The following APOL5 variants were observed in gnomAD, a reference collection of about 807,000 sequenced individuals.
APOL5 encodes apolipoprotein L5, also known as apolipoprotein L, 5.
APOL5 carries 29 observed loss-of-function variants against 35.5 expected under a neutral mutation model. That is an observed-to-expected ratio of 0.82 (90% confidence interval 0.61 to 1.11). The LOEUF (loss-of-function observed/expected upper bound fraction) is 1.11. APOL5 is among the 50% of genes most tolerant of loss of function. APOL5 has a pLI of 0.00. For synonymous variants in APOL5, 188 were observed against 200.2 expected (o/e 0.94, Z 0.51); for missense variants, 514 against 530.4 (o/e 0.97, Z 0.30).
At chr22:35,710,471 AAAT>A in the APOL5 span, among the ~76,000 whole-genome samples, 1 of 151,570 alleles carries the variant, frequency 6.6e-6, no homozygotes, top group Middle Eastern at 3.4e-3. Context: ...AAATGCCTAT[AAAT>A]GTGTATATAT....
chr22:35,710,443 C>A, the APOL5 span, among the ~76,000 whole-genome samples: 1 of 151,542 alleles, frequency 6.6e-6, no homozygotes, highest in Admixed American at 6.6e-5. Context: ...CACCCAACCC[C>A]TTTTTGTCTA....
At position 35,719,775 on chromosome 22, in the gene APOL5, G is replaced by A. The variant is rs150761703; in HGVS notation, c.56-793G>A. Among the ~76,000 whole-genome samples the A allele has an allele frequency of 8.0e-3, 1,212 of 152,350 alleles. 18 individuals are homozygous for A. The highest frequency in any genetic ancestry group is 0.028 in the African/African-American group (1,158 of 41,564). On this transcript the variant is annotated intron_variant, in intron 1 of 4. Coordinates refer to ENST00000249044, the MANE Select transcript of APOL5 (RefSeq NM_030642.1). ...GCTCCCGAGCCCCAGTGAGCTTATC[G>A]GAAGGACAAAGCAGAGGGTCTAATT...
chr22:35,720,014 T>TGACA (rs1171835175), intron 1 of APOL5, among the ~76,000 whole-genome samples: 7 of 152,224 alleles, frequency 4.6e-5, no homozygotes, highest in African/African-American at 1.7e-4. Context: ...CATTCAGCCG[T>TGACA]GGATGACCTG....
At chr22:35,716,815 C>A (rs1455596277), upstream of APOL5, among the ~76,000 whole-genome samples, 2 of 151,946 alleles carry the variant, frequency 1.3e-5, no homozygotes, top group African/African-American at 4.8e-5. Context: ...CTTAATATAT[C>A]CTGGACCTCT....
intron 2 of APOL5, among the ~76,000 whole-genome samples, chr22:35,721,873 TA>T (rs1390265621): frequency 6.8e-6 from 1 of 146,390 alleles, no homozygotes; most frequent in East Asian, 1.9e-4. Flanking sequence ...AAAGTGTCCA[TA>T]AGGTTCTCTA....
upstream of APOL5, among the ~76,000 whole-genome samples, chr22:35,716,946 T>C (rs559530754): frequency 8.6e-4 from 130 of 151,740 alleles, no homozygotes; most frequent in African/African-American, 3.1e-3. Flanking sequence ...TGTTTCCATT[T>C]CTTTATACAA....
chr22:35,725,872 T>C lies in APOL5; in HGVS notation c.143-339T>C, dbSNP rs148596642. Among the ~76,000 whole-genome samples, 553 of 152,278 alleles carry C rather than the reference T, an allele frequency of 3.6e-3. 6 individuals carry two copies. Among genetic ancestry groups the C allele is most frequent in the African/African-American group, 0.013 (527 of 41,542 alleles). On this transcript the variant is annotated intron_variant, in intron 2 of 4. Coordinates refer to ENST00000249044, the MANE Select transcript of APOL5 (RefSeq NM_030642.1). The stretch of plus-strand genomic sequence containing the variant: ...GGCTGAATAACACCTAAACTATAAT[T>C]TCTAATCTTGTGGCCAGTTTTTTAG...
chr22:35,715,593 G>A (rs1000387332), upstream of APOL5, among the ~76,000 whole-genome samples: 1 of 152,154 alleles, frequency 6.6e-6, no homozygotes, highest in Non-Finnish European at 1.5e-5. Context: ...TTGCAAAGCC[G>A]AGATCGTGCC....
chr22:35,726,279 G>A lies in APOL5; in HGVS notation c.211G>A (p.Ala71Thr), dbSNP rs1343780953. The change falls in exon 3 of 5, where the codon GCT becomes ACT. Residue 71 changes from alanine (A) to threonine (T), a missense_variant. This residue lies in a region of APOL5 where 254 missense variants were observed against 254.7 expected (regional missense o/e 1.00). Coordinates refer to ENST00000249044, the MANE Select transcript of APOL5 (RefSeq NM_030642.1). ...NLMSTVHSDE[A>T]GMLSYFLFEE... is the part of the protein sequence containing the mutation. The stretch of plus-strand genomic sequence containing the variant: ...GATGTCAACTGTCCACAGTGATGAG[G>A]CTGGTATGCTGTCCTACTTTCTGTT... 5 of 1,614,056 alleles carry A rather than the reference G, an allele frequency of 3.1e-6. No individual in the cohort carries two copies. The highest frequency in any genetic ancestry group is 4.2e-6 in the Non-Finnish European group (5 of 1,180,036).
At chr22:35,721,061 A>G (rs1447608371) in intron 2 of APOL5, among the ~76,000 whole-genome samples, 1 of 152,040 alleles carries the variant, frequency 6.6e-6, no homozygotes, top group Non-Finnish European at 1.5e-5. Context: ...TAAGTATTTG[A>G]ATGAAGGAAT....
At chr22:35,713,748 T>C (rs1312318529), upstream of APOL5, among the ~76,000 whole-genome samples, 2 of 152,106 alleles carry the variant, frequency 1.3e-5, no homozygotes, top group Non-Finnish European at 2.9e-5. Context: ...GGTAATCCTC[T>C]CCTGTTCAGT....
At chr22:35,709,328 C>A in the APOL5 span, among the ~76,000 whole-genome samples, 1 of 151,720 alleles carries the variant, frequency 6.6e-6, no homozygotes, top group African/African-American at 2.4e-5. Flanking sequence ...TAATAGCATG[C>A]CAAAAAAATC....
chr22:35,712,328 G>C, the APOL5 span, among the ~76,000 whole-genome samples: 1 of 152,004 alleles, frequency 6.6e-6, no homozygotes, highest in African/African-American at 2.4e-5. Context: ...TTTTCGGTAA[G>C]AGTCGTCTGC....
chr22:35,711,887 C>G, the APOL5 span, among the ~76,000 whole-genome samples: 1 of 152,098 alleles, frequency 6.6e-6, no homozygotes, highest in Non-Finnish European at 1.5e-5. Context: ...GTTGGCCAGG[C>G]TGGTTTTGAA....
At chr22:35,717,969 T>G in intron 1 of APOL5, 43 bp downstream of exon 1, 2 of 1,471,936 alleles carry the variant, frequency 1.4e-6, no homozygotes, top group Non-Finnish European at 1.8e-6. Context: ...ATTCTCACGT[T>G]GTACAAATTG....
intron 1 of APOL5, among the ~76,000 whole-genome samples, chr22:35,719,685 C>T (rs1426475495): frequency 2.6e-5 from 4 of 152,202 alleles, no homozygotes; most frequent in Non-Finnish European, 4.4e-5. Flanking sequence ...GCATGCGGAC[C>T]GGCAGGTCTT....
intron 1 of APOL5, among the ~76,000 whole-genome samples, chr22:35,720,088 G>A (rs1926911065): frequency 6.6e-6 from 1 of 152,228 alleles, no homozygotes; most frequent in South Asian, 2.1e-4. Flanking sequence ...ACTTGTGTGT[G>A]TCTGCCTGTT....
the APOL5 span, among the ~76,000 whole-genome samples, chr22:35,711,344 A>G: frequency 3.9e-5 from 6 of 152,256 alleles, no homozygotes; most frequent in Middle Eastern, 3.4e-3. Flanking sequence ...TGCTATAACC[A>G]TTGTTATACA....
intron 1 of APOL5, among the ~76,000 whole-genome samples, chr22:35,718,593 C>CAAAAAA (rs58513283): frequency 2.1e-5 from 2 of 97,058 alleles, no homozygotes; most frequent in Non-Finnish European, 4.1e-5. Flanking sequence ...GACCCCGTCT[C>CAAAAAA]AAAAAAAAAA....
Sources: allele counts gnomAD v4.1 joint callset (sites outside exome capture counted in the v4.1 genomes callset), GRCh38; gene constraint gnomAD v4.1.1; regional missense constraint gnomAD v4.1.1; transcripts MANE v1.5; gene names NCBI Gene and HGNC (gene_info 2026-07-23, HGNC 2026-07-21).